Variants in VMP1 observed in about 807,000 individuals in gnomAD.
VMP1 encodes the protein vacuole membrane protein 1.
VMP1 carries 11 observed loss-of-function variants against 56.0 expected under a neutral mutation model. The ratio of observed to expected loss-of-function variants is 0.20; its 90% confidence interval spans 0.12 to 0.32. The LOEUF (loss-of-function observed/expected upper bound fraction) is 0.32. VMP1 is among the 10% of genes least tolerant of loss of function. The pLI is 1.00. For synonymous variants in VMP1, 149 were observed against 165.0 expected, an observed-to-expected ratio of 0.90 and a Z score of 0.74; for missense variants, 296 against 490.3, an observed-to-expected ratio of 0.60 and a Z score of 3.74.
At chr17:59,727,999 A>G (rs947547329) in intron 1 of VMP1, among the ~76,000 whole-genome samples, 6 of 152,250 alleles carry the variant, frequency 3.9e-5, no homozygotes, top group African/African-American at 1.4e-4. Flanking sequence ...ACTTAAGGCT[A>G]TCTATACTAA....
chr17:59,809,077 G>T (rs2037950510), intron 8 of VMP1, among the ~76,000 whole-genome samples: 1 of 151,068 alleles, frequency 6.6e-6, no homozygotes, highest in African/African-American at 2.4e-5. Flanking sequence ...TCGGCTCACT[G>T]CAACCTCCAT....
In VMP1 at chr17:59,779,221, A is replaced by G. The variant is rs114293666; in HGVS notation, c.714+5336A>G. Among the ~76,000 whole-genome samples, 291 of 152,356 alleles carry G rather than the reference A, an allele frequency of 1.9e-3. 2 individuals carry two copies. Among genetic ancestry groups the G allele is most frequent in the African/African-American group, 6.7e-3 (277 of 41,588 alleles). ...TGGGGAAGAGTGGTTAGAGATCTCCATTTAGTATGTGGACTGTTGCTCAAC... is the reference window on the plus strand; with the variant it reads ...TGGGGAAGAGTGGTTAGAGATCTCCGTTTAGTATGTGGACTGTTGCTCAAC... On this transcript the variant is annotated intron_variant, in intron 7 of 11. Transcript: ENST00000262291.
chr17:59,796,713 T>G (rs568681490), intron 7 of VMP1, among the ~76,000 whole-genome samples: 3 of 152,352 alleles, frequency 2.0e-5, no homozygotes, highest in African/African-American at 7.2e-5. Flanking sequence ...TTTTCTTGCT[T>G]TAACTTACTC....
chr17:59,738,411 A>G (rs933690631), intron 4 of VMP1, among the ~76,000 whole-genome samples: 1 of 152,236 alleles, frequency 6.6e-6, no homozygotes, highest in African/African-American at 2.4e-5. Context: ...TGGTATTTTA[A>G]AACAGTTTAC....
chr17:59,824,331 G>A (rs2038561382), intron 10 of VMP1, among the ~76,000 whole-genome samples: 2 of 151,830 alleles, frequency 1.3e-5, no homozygotes, highest in South Asian at 4.2e-4. Context: ...CAGCACTTTG[G>A]GAGGCCAAGG....
chr17:59,745,646 A>G (rs1568065743), intron 5 of VMP1, among the ~76,000 whole-genome samples: 1 of 152,192 alleles, frequency 6.6e-6, no homozygotes, highest in Non-Finnish European at 1.5e-5. Flanking sequence ...AATTACACTT[A>G]CTTTCATTTT....
chr17:59,784,481 T>G (rs1366718117), intron 7 of VMP1, among the ~76,000 whole-genome samples: 5 of 152,154 alleles, frequency 3.3e-5, no homozygotes, highest in Non-Finnish European at 7.3e-5. Flanking sequence ...AGCTATGTCT[T>G]TCTTGTGTCA....
At chr17:59,805,825 A>G (rs1471002760) in intron 7 of VMP1, among the ~76,000 whole-genome samples, 1 of 152,204 alleles carries the variant, frequency 6.6e-6, no homozygotes, top group Non-Finnish European at 1.5e-5. Context: ...ATTCCCACAT[A>G]TATCTGACTT....
At chr17:59,789,706 T>C in intron 7 of VMP1, among the ~76,000 whole-genome samples, 1 of 152,138 alleles carries the variant, frequency 6.6e-6, no homozygotes, top group East Asian at 1.9e-4. Context: ...AGAATAGCTA[T>C]TATGTTCATT....
chr17:59,758,843 C>A (rs777726527), intron 5 of VMP1, among the ~76,000 whole-genome samples: 6 of 151,908 alleles, frequency 3.9e-5, no homozygotes, highest in Non-Finnish European at 8.8e-5. Context: ...ACCTGTAATC[C>A]CAGCACTTTG....
chr17:59,821,525 C>T (rs984298824), intron 10 of VMP1, among the ~76,000 whole-genome samples: 2 of 145,220 alleles, frequency 1.4e-5, no homozygotes, highest in African/African-American at 2.5e-5. Flanking sequence ...ACAGGGATTA[C>T]CTCAGCTACT....
rs143552931 is a variant in VMP1, at chr17:59,747,760, G to A, written c.414+8813G>A. 8.2e-3 allele frequency among the ~76,000 whole-genome samples: 1,242 copies of A among 151,722 alleles called. 19 individuals are homozygous for A. Among genetic ancestry groups the A allele is most frequent in the African/African-American group, 0.028 (1,163 of 41,350 alleles). ...AATTATTTTAATTAGCTGGGTGTGG[G>A]GGTGAACACCTATCGTCCTAGCTAC... On this transcript the variant is annotated intron_variant, in intron 5 of 11. Transcript: ENST00000262291.
At chr17:59,823,135 G>C (rs933537178) in intron 10 of VMP1, among the ~76,000 whole-genome samples, 2 of 151,968 alleles carry the variant, frequency 1.3e-5, no homozygotes, top group Non-Finnish European at 2.9e-5. Flanking sequence ...TTAATTGTTA[G>C]TTCTCTCCTT....
At chr17:59,717,160 C>T (rs1026898244) in intron 1 of VMP1, among the ~76,000 whole-genome samples, 3 of 151,670 alleles carry the variant, frequency 2.0e-5, no homozygotes, top group African/African-American at 7.3e-5. Context: ...TTCATAGACA[C>T]GGAGTTTCAC....
intron 5 of VMP1, among the ~76,000 whole-genome samples, chr17:59,739,374 A>G (rs990099228): frequency 7.2e-5 from 11 of 152,222 alleles, no homozygotes; most frequent in Non-Finnish European, 4.4e-5. Flanking sequence ...TAATTGATGG[A>G]GTATTAACAT....
At chr17:59,816,364 C>T (rs1273310004) in intron 9 of VMP1, among the ~76,000 whole-genome samples, 3 of 152,218 alleles carry the variant, frequency 2.0e-5, no homozygotes, top group Admixed American at 2.0e-4. Flanking sequence ...TGCTTTTCTT[C>T]ACAAATTATC....
In VMP1 at chr17:59,772,950, C is replaced by CTTTTTTTTTTTTTT. The variant is rs1179269248; in HGVS notation, c.583-787_583-774dup. Among the ~76,000 whole-genome samples, 30 of 55,718 alleles carry CTTTTTTTTTTTTTT rather than the reference C, an allele frequency of 5.4e-4. 6 individuals are homozygous for CTTTTTTTTTTTTTT. Among genetic ancestry groups the CTTTTTTTTTTTTTT allele is most frequent in the African/African-American group, 1.1e-3 (14 of 12,784 alleles). The allele number at this position is 55,718 out of a possible 152,430, so 36.6% of individuals were successfully genotyped here. ...TATCTAACACATATACTGGTGAATT[C>CTTTTTTTTTTTTTT]TTTTTTTTTTTTTTTTTTTTTTTTT... On this transcript the variant is annotated intron_variant, in intron 6 of 11. Coordinates refer to ENST00000262291, the MANE Select transcript of VMP1 (RefSeq NM_030938.5).
At chr17:59,755,078 A>G (rs1417598022) in intron 5 of VMP1, among the ~76,000 whole-genome samples, 1 of 146,802 alleles carries the variant, frequency 6.8e-6, no homozygotes, top group African/African-American at 2.5e-5. Flanking sequence ...GGTCTAGAGA[A>G]CAAAGGTGAA....
chr17:59,713,755 T>C (rs2034032282), intron 1 of VMP1, among the ~76,000 whole-genome samples: 1 of 146,432 alleles, frequency 6.8e-6, no homozygotes, highest in Non-Finnish European at 1.5e-5. Context: ...TAAGAAGGTA[T>C]CTTAGGGCTG....
Sources: allele counts gnomAD v4.1 joint callset (sites outside exome capture counted in the v4.1 genomes callset), GRCh38; gene constraint gnomAD v4.1.1; transcripts MANE v1.5; gene names NCBI Gene and HGNC (gene_info 2026-07-23, HGNC 2026-07-21).